ANKS1B: variants seen among roughly 807,000 people sequenced by gnomAD.
The protein encoded by ANKS1B is ankyrin repeat and sterile alpha motif domain-containing protein 1B.
Under a neutral mutation model 148.3 loss-of-function variants are expected in ANKS1B, and 36 were observed. The ratio of observed to expected loss-of-function variants is 0.24; its 90% CI spans 0.19 to 0.32. ANKS1B has a LOEUF of 0.32. ANKS1B is among the 10% of genes least tolerant of loss of function. The pLI, the probability that ANKS1B is intolerant of heterozygous loss-of-function variation, is 1.00. For missense variants in ANKS1B, 1,157 were observed against 1,542.6 expected (o/e 0.75, Z 4.19); for synonymous variants, 542 against 560.8 (o/e 0.97, Z 0.47).
intron 1 of ANKS1B, among the ~76,000 whole-genome samples, chr12:99,942,583 G>A (rs926803786): frequency 6.6e-6 from 1 of 151,810 alleles, no homozygotes; most frequent in African/African-American, 2.4e-5. Context: ...GAGAAAAAGT[G>A]GACAAAAAAA....
At chr12:98,862,950 G>T (rs192679725) in intron 17 of ANKS1B, among the ~76,000 whole-genome samples, 5 of 152,288 alleles carry the variant, frequency 3.3e-5, no homozygotes, top group Admixed American at 2.0e-4. Context: ...TGCATTTCAT[G>T]GTCCAATATA....
chr12:98,957,834 C>A (rs1402659434), intron 17 of ANKS1B, among the ~76,000 whole-genome samples: 6 of 152,120 alleles, frequency 3.9e-5, no homozygotes, highest in Admixed American at 3.9e-4. Context: ...AAAGCCATCC[C>A]TTAATGCTAC....
At position 99,246,491 on chromosome 12, in the gene ANKS1B, C is replaced by T. The variant is rs371411860; in HGVS notation, c.2130G>A (p.Val710=). The change falls in exon 13 of 27, where the codon GTG becomes GTA. Residue 710 remains valine, a synonymous_variant. Transcript: ENST00000683438. The stretch of plus-strand genomic sequence containing the variant: ...TTCTCCCCAGAGTACAGGCTCTCTC[C>T]ACAAATCCCCCTGCGTTCATAACCC... The part of the protein sequence containing the change: ...DQWVMNAGGF[V]ERACTLGRIR... The T allele has an allele frequency of 6.2e-6, 10 of 1,613,728 alleles. No homozygotes were observed. Among genetic ancestry groups the T allele is most frequent in the Non-Finnish European group, 5.9e-6 (7 of 1,179,848 alleles).
At chr12:99,755,190 T>G (rs1416824252) in intron 8 of ANKS1B, among the ~76,000 whole-genome samples, 1 of 151,796 alleles carries the variant, frequency 6.6e-6, no homozygotes, top group African/African-American at 2.4e-5. Flanking sequence ...CCCATAGAAA[T>G]GCAAACAACC....
At chr12:99,683,007 C>T (rs561380773) in intron 8 of ANKS1B, among the ~76,000 whole-genome samples, 19 of 152,248 alleles carry the variant, frequency 1.2e-4, no homozygotes, top group Non-Finnish European at 2.4e-4. Flanking sequence ...GTGACATACA[C>T]GTCATACATG....
chr12:98,814,619 C>A (rs184591738), intron 19 of ANKS1B, among the ~76,000 whole-genome samples: 9 of 152,284 alleles, frequency 5.9e-5, no homozygotes, highest in Non-Finnish European at 1.0e-4. Context: ...ACCTAGGTGT[C>A]AAAAGGCTGC....
At chr12:99,087,153 G>T (rs1565984628) in intron 15 of ANKS1B, among the ~76,000 whole-genome samples, 1 of 152,232 alleles carries the variant, frequency 6.6e-6, no homozygotes, top group Non-Finnish European at 1.5e-5. Context: ...TAATAAAGGA[G>T]GAAGAACAGC....
At chr12:99,450,729 C>T (rs1017624204) in intron 10 of ANKS1B, among the ~76,000 whole-genome samples, 7 of 152,130 alleles carry the variant, frequency 4.6e-5, no homozygotes, top group South Asian at 2.1e-4. Flanking sequence ...ATATTTCTCT[C>T]TATATAGCTC....
intron 1 of ANKS1B, among the ~76,000 whole-genome samples, chr12:99,878,341 AAGTAAGCTTTT>A (rs775411824): frequency 2.6e-5 from 4 of 152,242 alleles, no homozygotes; most frequent in Non-Finnish European, 4.4e-5. Context: ...GAATTGAAAA[AAGTAAGCTTTT>A]AGCTTTCCGG....
intron 17 of ANKS1B, among the ~76,000 whole-genome samples, chr12:99,014,232 A>G (rs1488227526): frequency 1.4e-4 from 21 of 152,192 alleles, no homozygotes; most frequent in Non-Finnish European, 5.9e-5. Flanking sequence ...ACCTACAACT[A>G]TCTGATCTTC....
chr12:99,014,143 C>A (rs1279822858), intron 17 of ANKS1B, among the ~76,000 whole-genome samples: 1 of 152,104 alleles, frequency 6.6e-6, no homozygotes, highest in African/African-American at 2.4e-5. Flanking sequence ...CTACAGTAAC[C>A]AAAACAGCAT....
At chr12:99,559,933 A>G (rs1443149323) in intron 9 of ANKS1B, among the ~76,000 whole-genome samples, 6 of 152,366 alleles carry the variant, frequency 3.9e-5, no homozygotes. Context: ...TCTTTGAATT[A>G]AAAGTAAGAC....
At chr12:99,715,601 G>A (rs190749667) in intron 8 of ANKS1B, among the ~76,000 whole-genome samples, 54 of 152,252 alleles carry the variant, frequency 3.5e-4, no homozygotes, top group Admixed American at 9.8e-4. Flanking sequence ...ATTTGGTGCC[G>A]TGACTCGGAT....
chr12:99,543,065 A>AT (rs2097141566), intron 9 of ANKS1B, among the ~76,000 whole-genome samples: 1 of 152,130 alleles, frequency 6.6e-6, no homozygotes, highest in South Asian at 2.1e-4. Flanking sequence ...AGGAGAACGT[A>AT]TTTAAAAATC....
Position 99,117,112 on chromosome 12 carries a change from G to A in ANKS1B, c.2527-32089C>T, listed in dbSNP as rs547215052. On this transcript the variant is annotated intron_variant, in intron 15 of 26. Transcript: ENST00000683438. Reference sequence around the variant, plus strand: ...AAAGAGATTTTGGGCTGAGATGATGGGGTTTTCTAAATATATAATCATGTC... The same window carrying A: ...AAAGAGATTTTGGGCTGAGATGATGAGGTTTTCTAAATATATAATCATGTC... 2.0e-5 allele frequency among the ~76,000 whole-genome samples: 3 copies of A among 152,212 alleles called. No individual in the cohort carries two copies. In the East Asian group the frequency reaches 5.8e-4, roughly 29 times the overall value.
At position 99,760,902 on chromosome 12, in the gene ANKS1B, G is replaced by A. The variant is rs114267818; in HGVS notation, c.1128+12020C>T. On this transcript the variant is annotated intron_variant, in intron 8 of 26. Transcript: ENST00000683438. ...CCGAAATACAAAAAAAACCCTCAGA[G>A]ACTATGATGAACACCATATATATAC... Among the ~76,000 whole-genome samples, 750 of 150,772 alleles carry A rather than the reference G, an allele frequency of 5.0e-3. 9 individuals are homozygous for A. Among genetic ancestry groups the A allele is most frequent in the African/African-American group, 0.017 (716 of 41,234 alleles).
At chr12:99,699,734 G>A (rs950316696) in intron 8 of ANKS1B, among the ~76,000 whole-genome samples, 3 of 152,182 alleles carry the variant, frequency 2.0e-5, no homozygotes, top group Non-Finnish European at 4.4e-5. Flanking sequence ...TAACTAAAAT[G>A]TAGAAGAGTA....
chr12:99,860,790 A>T (rs2089925470), intron 1 of ANKS1B, among the ~76,000 whole-genome samples: 1 of 152,148 alleles, frequency 6.6e-6, no homozygotes, highest in East Asian at 1.9e-4. Context: ...ATGCTTGTTG[A>T]TTGTATCATG....
Position 98,954,125 on chromosome 12 carries a change from C to G in ANKS1B, c.2778+99032G>C, listed in dbSNP as rs140127162. Among the ~76,000 whole-genome samples the G allele has an allele frequency of 2.1e-4, 32 of 152,246 alleles. 1 individual carries two copies. In the East Asian group the frequency reaches 5.6e-3, roughly 27 times the overall value. On this transcript the variant is annotated intron_variant, in intron 17 of 26. Coordinates refer to ENST00000683438, the MANE Select transcript of ANKS1B (RefSeq NM_001352186.2). The stretch of plus-strand genomic sequence containing the variant: ...ATTCAAATCTGCATTTTAGCATGAT[C>G]CTTGAAGTGATGCATGAAACACTTG...
Sources: gnomAD v4.1 joint callset for allele counts (sites outside exome capture counted in the v4.1 genomes callset) on GRCh38, gnomAD v4.1.1 for gene constraint, MANE v1.5 for transcripts, NCBI Gene and HGNC (gene_info 2026-07-23, HGNC 2026-07-21) for gene names.